Variants in DZIP1 observed in about 807,000 individuals in gnomAD.
DZIP1 encodes DAZ interacting zinc finger protein 1.
DZIP1 carries 97 observed loss-of-function variants against 107.6 expected under a neutral mutation model. The ratio of observed to expected loss-of-function variants is 0.90; its 90% confidence interval spans 0.77 to 1.07. The LOEUF (loss-of-function observed/expected upper bound fraction) is 1.07. DZIP1 is among the 50% of genes least tolerant of loss of function. The pLI is 0.00. For synonymous variants in DZIP1, 390 were observed against 386.4 expected (o/e 1.01, Z -0.11); for missense variants, 1,035 against 1,063.6 (o/e 0.97, Z 0.37).
intron 5 of DZIP1, among the ~76,000 whole-genome samples, chr13:95,634,812 ATAATTTT>A (rs544205801): frequency 8.7e-4 from 132 of 152,374 alleles, no homozygotes; most frequent in African/African-American, 2.2e-3. Context: ...AACTATTTGG[ATAATTTT>A]TAATTTTTAT....
intron 14 of DZIP1, among the ~76,000 whole-genome samples, chr13:95,605,070 G>C (rs190465812): frequency 1.2e-3 from 180 of 152,112 alleles, no homozygotes; most frequent in Middle Eastern, 0.01. Context: ...AATGATCTTC[G>C]GGAAAAAAAT....
chr13:95,583,867 A>T (rs1287338786), intron 22 of DZIP1, among the ~76,000 whole-genome samples: 2 of 152,138 alleles, frequency 1.3e-5, no homozygotes, highest in East Asian at 3.9e-4. Context: ...GCACATCTGT[A>T]GTCACAGCTA....
chr13:95,628,650 A>C (rs776722850), intron 7 of DZIP1, among the ~76,000 whole-genome samples: 9 of 152,260 alleles, frequency 5.9e-5, no homozygotes, highest in Non-Finnish European at 7.3e-5. Context: ...TAACAGATGA[A>C]TAAGCAAAAT....
chr13:95,587,443 A>ACC, intron 20 of DZIP1, 96 bp downstream of exon 20: 3 of 1,505,836 alleles, frequency 2.0e-6, no homozygotes, highest in South Asian at 2.6e-5. Context: ...TTCCTTGCAC[A>ACC]CCCTCCCAGC....
At chr13:95,627,893 T>G (rs1876732113) in intron 7 of DZIP1, among the ~76,000 whole-genome samples, 1 of 152,210 alleles carries the variant, frequency 6.6e-6, no homozygotes, top group South Asian at 2.1e-4. Flanking sequence ...CAAATGTCAT[T>G]CAATGGATGA....
At chr13:95,623,126 T>A (rs966634010) in intron 8 of DZIP1, among the ~76,000 whole-genome samples, 1 of 152,186 alleles carries the variant, frequency 6.6e-6, no homozygotes, top group Non-Finnish European at 1.5e-5. Flanking sequence ...TAAGCTAGTT[T>A]AGTGAGAGGC....
intron 13 of DZIP1, 100 bp downstream of exon 13, chr13:95,609,357 T>A (rs182985536): frequency 3.6e-4 from 272 of 759,086 alleles, no homozygotes; most frequent in Non-Finnish European, 4.8e-4. Flanking sequence ...AATACATTGG[T>A]TTTCAAAGAA....
In DZIP1 at chr13:95,641,221, T is replaced by C. The variant is rs1719999162; in HGVS notation, c.597+74A>G. ...AATCTTTAAGAAGAAAGAGTGGTGA[T>C]ACGGGACAGGCCTATCAAATGGGAA... On this transcript the variant is annotated intron_variant, in intron 5 of 22. Transcript: ENST00000376829. This position sits in a 1 kb window ranked among gnomAD's most constrained non-coding sequence, Gnocchi z 4.3. 2 of 1,502,186 alleles carry C rather than the reference T, an allele frequency of 1.3e-6. No individual in the cohort carries two copies. Among genetic ancestry groups the C allele is most frequent in the African/African-American group, 1.4e-5 (1 of 71,584 alleles). 93.1% of individuals were successfully genotyped at this position (1,502,186 alleles called of 1,614,324 possible).
At chr13:95,591,097 C>A (rs1475556824) in intron 16 of DZIP1, among the ~76,000 whole-genome samples, 3 of 149,060 alleles carry the variant, frequency 2.0e-5, no homozygotes, top group Non-Finnish European at 3.0e-5. Context: ...GGCGCAATCT[C>A]AGTTCACTGC....
intron 16 of DZIP1, 92 bp from the exon 17 acceptor site, chr13:95,590,533 C>A: frequency 7.6e-7 from 1 of 1,317,192 alleles, no homozygotes; most frequent in Non-Finnish European, 1.0e-6. Flanking sequence ...CATTTCAATC[C>A]ATCCTTACAG....
In DZIP1 at chr13:95,609,512, T is replaced by C; in HGVS notation, c.1365A>G (p.Gly455=). ...NPLNSISEPK[G]NPLAWQAFES... ...CAAAAGCCTGCCAGGCTAAAGGATT[T>C]CCTGAAATGACAGAAAAATAAATGA... is the stretch of plus-strand genomic sequence containing the variant. The change falls in exon 13 of 23, where the codon GGA becomes GGG. Residue 455 remains glycine, a splice_region_variant and synonymous_variant. Coordinates refer to ENST00000376829, the MANE Select transcript of DZIP1 (RefSeq NM_198968.4). The C allele has an allele frequency of 6.3e-7, 1 of 1,582,446 alleles. No homozygotes were observed. Among genetic ancestry groups the C allele is most frequent in the Non-Finnish European group, 8.6e-7 (1 of 1,165,534 alleles).
At chr13:95,593,838 A>C in intron 16 of DZIP1, 106 bp downstream of exon 16, 1 of 1,385,712 alleles carries the variant, frequency 7.2e-7, no homozygotes, top group Non-Finnish European at 9.6e-7. Flanking sequence ...TCTGTTCTCC[A>C]AACATGGACA....
chr13:95,634,246 A>G (rs1877538214), intron 5 of DZIP1, among the ~76,000 whole-genome samples: 1 of 152,208 alleles, frequency 6.6e-6, no homozygotes, highest in Non-Finnish European at 1.5e-5. Context: ...GATGTCATTC[A>G]TCAAGCATCT....
At chr13:95,596,012 CCT>C (rs1260801159) in intron 15 of DZIP1, among the ~76,000 whole-genome samples, 2 of 152,062 alleles carry the variant, frequency 1.3e-5, no homozygotes, top group East Asian at 3.9e-4. Context: ...CGCATTTCCC[CCT>C]GTCCTCAAAT....
chr13:95,631,276 C>G (rs1331875660), intron 6 of DZIP1, among the ~76,000 whole-genome samples: 2 of 151,982 alleles, frequency 1.3e-5, no homozygotes, highest in Non-Finnish European at 2.9e-5. Flanking sequence ...GGCAACACAG[C>G]AAAACCCCAA....
At chr13:95,624,964 T>C (rs1314259593) in intron 7 of DZIP1, 35 bp from the exon 8 acceptor site, 4 of 1,535,370 alleles carry the variant, frequency 2.6e-6, no homozygotes, top group Non-Finnish European at 3.5e-6. Context: ...TTAAAAGTTC[T>C]GGTCTGAAGA....
intron 18 of DZIP1, 134 bp from the exon 19 acceptor site, chr13:95,589,341 C>T (rs1236192057): frequency 7.4e-6 from 5 of 676,582 alleles, no homozygotes; most frequent in South Asian, 3.9e-5. Flanking sequence ...AGTCACCCAG[C>T]GTCAGTTAGA....
At position 95,580,036 on chromosome 13, in the gene DZIP1, TA is replaced by T. The variant is rs2043991937; in HGVS notation, c.*2197del. On this transcript the variant is annotated 3_prime_UTR_variant, in exon 23 of 23. Transcript: ENST00000376829. Reference sequence around the variant, plus strand: ...TCAAAAACGAACAAACCAAATTTTATACAAAAAAATGAAATGCAGCAGGGCG... The same window carrying T: ...TCAAAAACGAACAAACCAAATTTTATCAAAAAAATGAAATGCAGCAGGGCG... 6.6e-6 allele frequency: 1 copy of T among 152,068 alleles called. No homozygotes were observed. Among genetic ancestry groups the T allele is most frequent in the Admixed American group, 6.6e-5 (1 of 15,248 alleles). The allele number at this position is 152,068 out of a possible 1,614,324, so 9.4% of individuals were successfully genotyped here. A position where few individuals can be genotyped will look rare whatever the true frequency, so the allele number is the denominator to read the frequency against.
rs773542501 is a variant in DZIP1, at chr13:95,641,978, G to A, written c.36+16C>T. On this transcript the variant is annotated intron_variant, in intron 4 of 22. Transcript: ENST00000376829. The surrounding 1 kb of genome is among the most constrained non-coding windows in gnomAD (Gnocchi z 4.3). ...CGGCATCCCCGTCGGGGGCGCCCCG[G>A]CCTCCCGCCTCTTACCATGCTTGAA... The A allele has an allele frequency of 3.8e-6, 6 of 1,576,072 alleles. No individual in the cohort carries two copies. The highest frequency in any genetic ancestry group is 4.3e-6 in the Non-Finnish European group (5 of 1,166,506).
Sources: allele counts gnomAD v4.1 joint callset (sites outside exome capture counted in the v4.1 genomes callset), GRCh38; gene constraint gnomAD v4.1.1; non-coding constraint Gnocchi (gnomAD v3.1); transcripts MANE v1.5; gene names NCBI Gene and HGNC (gene_info 2026-07-23, HGNC 2026-07-21).